CDH2: variants seen among roughly 807,000 people sequenced by gnomAD.
The protein encoded by CDH2 is cadherin-2.
Under a neutral mutation model 92.0 loss-of-function variants are expected in CDH2, and 17 were observed. The ratio of observed to expected loss-of-function variants is 0.18; its 90% CI spans 0.13 to 0.28. The LOEUF (loss-of-function observed/expected upper bound fraction) is 0.28, where lower values mean the gene tolerates loss of function less well. CDH2 is among the 10% of genes least tolerant of loss of function. The pLI is 1.00. For synonymous variants in CDH2, 419 were observed against 415.9 expected (o/e 1.01, Z -0.09); for missense variants, 862 against 1,133.1 (o/e 0.76, Z 3.44).
At position 27,993,501 on chromosome 18, in the gene CDH2, G is replaced by A. The variant is rs764389179; in HGVS notation, c.1157C>T (p.Thr386Met). 17 of 1,613,542 alleles carry A rather than the reference G, an allele frequency of 1.1e-5. No individual in the cohort carries two copies. Among genetic ancestry groups the A allele is most frequent in the East Asian group, 2.2e-5 (1 of 44,864 alleles). The change falls in exon 8 of 16, where the codon ACG becomes ATG. Residue 386 changes from threonine (T) to methionine (M), a missense_variant and splice_region_variant. Transcript: ENST00000269141. ...GTGTGAGTGACAGGCTGTACTCACC[G>A]TCATGGCAGTAAACTCTGGAGGATT... ...NDNPPEFTAM[T>M]FYGEVPENRV...
chr18:28,066,181 C>T (rs951868327), intron 2 of CDH2, among the ~76,000 whole-genome samples: 6 of 151,904 alleles, frequency 3.9e-5, no homozygotes, highest in Non-Finnish European at 7.4e-5. Flanking sequence ...CTGAACTAAA[C>T]AATAATAAAC....
At chr18:28,002,889 G>C (rs1401622283) in intron 7 of CDH2, 108 bp downstream of exon 7, 9 of 1,012,664 alleles carry the variant, frequency 8.9e-6, no homozygotes, top group Non-Finnish European at 1.2e-5. Flanking sequence ...ATTAGCATTT[G>C]AATAACACTG....
At position 28,056,855 on chromosome 18, in the gene CDH2, CAAAT is replaced by C. The variant is rs1404482479; in HGVS notation, c.173-42950_173-42947del. Among the ~76,000 whole-genome samples, 6 of 152,200 alleles carry C rather than the reference CAAAT, an allele frequency of 3.9e-5. No homozygotes were observed. The East Asian group carries it at 1.2e-3, about 29-fold the overall frequency. ...TATTAAGTTATATGGGAAGCACTGT[CAAAT>C]AAAAGTGATTCTAAACCTTGAATTA... is the stretch of plus-strand genomic sequence containing the variant. On this transcript the variant is annotated intron_variant, in intron 2 of 15. Transcript: ENST00000269141.
At chr18:28,058,611 G>T (rs758406134) in intron 2 of CDH2, among the ~76,000 whole-genome samples, 10 of 152,090 alleles carry the variant, frequency 6.6e-5, no homozygotes, top group Non-Finnish European at 1.5e-4. Flanking sequence ...ATTTTTCCTT[G>T]TTTATGCCTA....
intron 1 of CDH2, among the ~76,000 whole-genome samples, chr18:28,170,473 G>T (rs2016448357): frequency 6.6e-6 from 1 of 152,082 alleles, no homozygotes; most frequent in Non-Finnish European, 1.5e-5. Context: ...AGCCTTCCAA[G>T]CACCTAAGAT....
chr18:28,020,826 G>T (rs2144056232), intron 2 of CDH2, among the ~76,000 whole-genome samples: 1 of 152,032 alleles, frequency 6.6e-6, no homozygotes, highest in African/African-American at 2.4e-5. Context: ...TAATAATAAT[G>T]CATTGTTATT....
chr18:28,155,475 C>T (rs1050287316), intron 1 of CDH2, among the ~76,000 whole-genome samples: 11 of 151,870 alleles, frequency 7.2e-5, no homozygotes, highest in African/African-American at 1.7e-4. Flanking sequence ...GAAGGAATAC[C>T]GTAAAGAAAT....
chr18:28,166,166 A>ATATATATATATATATAT (rs997188510), intron 1 of CDH2, among the ~76,000 whole-genome samples: 4 of 137,968 alleles, frequency 2.9e-5, no homozygotes, highest in Non-Finnish European at 6.3e-5. Context: ...ATATATATAT[A>ATATATATATATATATAT]TATATATGTC....
rs140278986 is a variant in CDH2 at position 28,136,073 on chromosome 18, A to G, written c.172+11600T>C. ...TTATCAACATTTTCTCAAATGCACA[A>G]TACATGCCAAATCTGAGAATACTTA... On this transcript the variant is annotated intron_variant, in intron 2 of 15. Coordinates refer to ENST00000269141, the MANE Select transcript of CDH2 (RefSeq NM_001792.5). Among the ~76,000 whole-genome samples the G allele has an allele frequency of 2.0e-5, 3 of 152,340 alleles. No individual in the cohort carries two copies. The East Asian group carries it at 5.8e-4, about 29-fold the overall frequency.
At chr18:28,020,215 T>C (rs2013370819) in intron 2 of CDH2, among the ~76,000 whole-genome samples, 1 of 152,098 alleles carries the variant, frequency 6.6e-6, no homozygotes, top group Non-Finnish European at 1.5e-5. Context: ...ACTCAAGTTG[T>C]TTATTTTACA....
chr18:28,120,953 T>C (rs2015577950), intron 2 of CDH2, among the ~76,000 whole-genome samples: 1 of 152,164 alleles, frequency 6.6e-6, no homozygotes, highest in Non-Finnish European at 1.5e-5. Flanking sequence ...TTAGGGAATC[T>C]GACTCTACTC....
intron 1 of CDH2, chr18:28,168,455 G>A (rs1000054338): frequency 6.6e-6 from 1 of 152,402 alleles, no homozygotes; most frequent in Non-Finnish European, 1.5e-5. Flanking sequence ...ATTGGTGGTG[G>A]AATATCTTGC....
intron 14 of CDH2, among the ~76,000 whole-genome samples, chr18:27,972,681 G>C (rs1349424264): frequency 6.6e-6 from 1 of 152,198 alleles, no homozygotes; most frequent in Non-Finnish European, 1.5e-5. Context: ...TGCAAACTAA[G>C]TTAGAAATTC....
intron 2 of CDH2, among the ~76,000 whole-genome samples, chr18:28,073,913 T>C (rs2014667754): frequency 6.6e-6 from 1 of 152,164 alleles, no homozygotes; most frequent in South Asian, 2.1e-4. Context: ...AGATAATGCA[T>C]ACAAAGGGCT....
intron 14 of CDH2, among the ~76,000 whole-genome samples, chr18:27,971,495 GGAAT>G (rs1429404286): frequency 6.6e-6 from 1 of 152,106 alleles, no homozygotes; most frequent in African/African-American, 2.4e-5. Flanking sequence ...TGAAGTGACA[GGAAT>G]GATGAAGGAA....
chr18:28,159,114 G>GT (rs1298113898), intron 1 of CDH2: 1 of 152,194 alleles, frequency 6.6e-6, no homozygotes, highest in African/African-American at 2.4e-5. Flanking sequence ...TTTGTAAAGT[G>GT]TTATGTTAAA....
intron 5 of CDH2, among the ~76,000 whole-genome samples, chr18:28,008,930 C>T (rs1410212454): frequency 6.6e-6 from 1 of 151,938 alleles, no homozygotes; most frequent in African/African-American, 2.4e-5. Flanking sequence ...GCTGTTGGGA[C>T]AAGTAGCTAG....
chr18:27,957,853 C>T (rs2011291480), intron 15 of CDH2, among the ~76,000 whole-genome samples: 1 of 152,166 alleles, frequency 6.6e-6, no homozygotes. Context: ...TACTACCCCT[C>T]TTTCTGGGAA....
Position 28,013,745 on chromosome 18 carries a change from C to T in CDH2, c.337G>A (p.Glu113Lys). 6.2e-7 allele frequency: 1 copy of T among 1,614,030 alleles called. No homozygotes were observed. Among genetic ancestry groups the T allele is most frequent in the South Asian group, 1.1e-5 (1 of 91,082 alleles). Reference protein sequence around the residue: ...LIYAQDKETQEKWQVAVKLSL... With the variant: ...LIYAQDKETQKKWQVAVKLSL... ...AATTTTACTGCCACTTGCCACTTTT[C>T]CTGGGTCTCTTTGTCTTGGGCATAT... Residue 113 changes from glutamate (E) to lysine (K), a missense_variant, in exon 3 of 16, where the codon GAA (glutamate) becomes AAA (lysine). Transcript: ENST00000269141.
Sources: allele counts gnomAD v4.1 joint callset (sites outside exome capture counted in the v4.1 genomes callset), GRCh38; gene constraint gnomAD v4.1.1; transcripts MANE v1.5; gene names NCBI Gene and HGNC (gene_info 2026-07-23, HGNC 2026-07-21).